Variants in SIPA1L3 observed in about 807,000 individuals in gnomAD.
SIPA1L3 encodes the protein signal induced proliferation associated 1 like 3, also known as signal-induced proliferation-associated 1-like protein 3.
A neutral mutation model predicts 150.1 loss-of-function variants in SIPA1L3; 59 were observed. That is an observed-to-expected ratio of 0.39 (90% CI 0.32 to 0.49). SIPA1L3 has a LOEUF of 0.49. Ranked by LOEUF, SIPA1L3 falls within the 20% of genes least tolerant of loss-of-function variation. SIPA1L3 has a pLI of 0.86. For missense variants in SIPA1L3, 2,211 were observed against 2,489.5 expected (o/e 0.89, Z 2.38); for synonymous variants, 1,070 against 1,077.6 (o/e 0.99, Z 0.14).
intron 6 of SIPA1L3, among the ~76,000 whole-genome samples, chr19:38,105,987 C>T (rs1420489546): frequency 2.0e-5 from 3 of 152,238 alleles, no homozygotes; most frequent in Non-Finnish European, 2.9e-5. Flanking sequence ...CCTAACCAGC[C>T]ACCTCAAGGG....
intron 2 of SIPA1L3, among the ~76,000 whole-genome samples, chr19:38,057,171 T>C (rs995429767): frequency 6.6e-6 from 1 of 151,968 alleles, no homozygotes; most frequent in Non-Finnish European, 1.5e-5. Context: ...CTCAGGAGGC[T>C]GAGGCAAGAG....
chr19:38,027,829 A>C (rs1421675), intron 1 of SIPA1L3, among the ~76,000 whole-genome samples: 19,812 of 151,996 alleles, frequency 0.13, 1,314 homozygotes, highest in South Asian at 0.21. Flanking sequence ...TGCCTAGCTT[A>C]GTATACTTTT....
chr19:38,167,168 G>A (rs1420268889), intron 15 of SIPA1L3, among the ~76,000 whole-genome samples: 1 of 147,746 alleles, frequency 6.8e-6, no homozygotes, highest in African/African-American at 2.5e-5. Flanking sequence ...GGGAGGCAGA[G>A]GTTGCAGTGA....
At chr19:38,034,061 C>G (rs1035393592) in intron 2 of SIPA1L3, among the ~76,000 whole-genome samples, 1 of 152,154 alleles carries the variant, frequency 6.6e-6, no homozygotes, top group Admixed American at 6.5e-5. Context: ...AGGGCAGAGC[C>G]GCTTTGATTC....
At chr19:38,195,791 C>CG (rs1972909630) in intron 18 of SIPA1L3, among the ~76,000 whole-genome samples, 3 of 114,262 alleles carry the variant, frequency 2.6e-5, no homozygotes, top group South Asian at 3.3e-4. Context: ...CCACAGGCCC[C>CG]GTCCCCCCCC....
intron 1 of SIPA1L3, among the ~76,000 whole-genome samples, chr19:37,924,539 A>G (rs1368676604): frequency 6.6e-6 from 1 of 151,636 alleles, no homozygotes; most frequent in Non-Finnish European, 1.5e-5. Context: ...TTAGCTGGGC[A>G]TAGTGGCAGG....
At chr19:38,063,207 C>T (rs1414132878) in intron 2 of SIPA1L3, among the ~76,000 whole-genome samples, 1 of 152,156 alleles carries the variant, frequency 6.6e-6, no homozygotes, top group East Asian at 1.9e-4. Flanking sequence ...CTCCACCCCC[C>T]TCCCCACTCC....
At chr19:38,156,105 G>A (rs932134178) in intron 13 of SIPA1L3, among the ~76,000 whole-genome samples, 1 of 152,016 alleles carries the variant, frequency 6.6e-6, no homozygotes, top group African/African-American at 2.4e-5. Context: ...ACCAGAGACA[G>A]TGGTTGGGCT....
At position 38,079,820 on chromosome 19, in the gene SIPA1L3, T is replaced by C. The variant is rs1488889385; in HGVS notation, c.-310-1436T>C. 2.6e-5 allele frequency among the ~76,000 whole-genome samples: 4 copies of C among 152,214 alleles called. No homozygotes were observed. The East Asian group carries it at 7.7e-4, about 29-fold the overall frequency. On this transcript the variant is annotated intron_variant, in intron 2 of 21. Coordinates refer to ENST00000222345, the MANE Select transcript of SIPA1L3 (RefSeq NM_015073.3). ...ATCCACCCGCCTTGGCCTCCCAAAGTGCTGGGACTGCAGGTGTGAGCCACC... is the reference window on the plus strand; with the variant it reads ...ATCCACCCGCCTTGGCCTCCCAAAGCGCTGGGACTGCAGGTGTGAGCCACC...
At chr19:38,098,043 G>A (rs548839355) in intron 4 of SIPA1L3, among the ~76,000 whole-genome samples, 86 of 152,300 alleles carry the variant, frequency 5.6e-4, no homozygotes, top group African/African-American at 2.0e-3. Context: ...CTGTAAATCA[G>A]AGATAAAACC....
intron 2 of SIPA1L3, among the ~76,000 whole-genome samples, chr19:38,078,290 C>T (rs962397323): frequency 6.6e-6 from 1 of 152,214 alleles, no homozygotes; most frequent in African/African-American, 2.4e-5. Flanking sequence ...TCCACCTGCC[C>T]TCTTCTGGTG....
chr19:38,111,194 A>T (rs1970731149), intron 8 of SIPA1L3, among the ~76,000 whole-genome samples: 1 of 151,092 alleles, frequency 6.6e-6, no homozygotes, highest in African/African-American at 2.4e-5. Flanking sequence ...CTGGCTAATT[A>T]AAAAAAAATT....
At chr19:38,020,485 G>A (rs984214490) in intron 1 of SIPA1L3, among the ~76,000 whole-genome samples, 20 of 152,298 alleles carry the variant, frequency 1.3e-4, no homozygotes, top group African/African-American at 3.6e-4. Context: ...TTTCATAGGC[G>A]TTCAGGAAGG....
chr19:38,085,550 T>C (rs1970109208), intron 3 of SIPA1L3, among the ~76,000 whole-genome samples: 1 of 151,516 alleles, frequency 6.6e-6, no homozygotes, highest in South Asian at 2.1e-4. Context: ...GCAATGTCAG[T>C]ATCACATGAA....
At chr19:38,089,018 C>T (rs566840872) in intron 4 of SIPA1L3, among the ~76,000 whole-genome samples, 167 bp downstream of exon 4, 1 of 152,044 alleles carries the variant, frequency 6.6e-6, no homozygotes, top group Non-Finnish European at 1.5e-5. Flanking sequence ...GAAACTAAGA[C>T]GCAGAATTTA....
At chr19:37,994,360 G>GC (rs1382676622) in intron 1 of SIPA1L3, among the ~76,000 whole-genome samples, 1 of 152,180 alleles carries the variant, frequency 6.6e-6, no homozygotes, top group Non-Finnish European at 1.5e-5. Context: ...TACAAGTGGC[G>GC]CCAGTGTGTG....
chr19:38,110,479 CG>C, intron 8 of SIPA1L3, 95 bp downstream of exon 8: 2 of 1,013,162 alleles, frequency 2.0e-6, no homozygotes, highest in Non-Finnish European at 2.9e-6. Flanking sequence ...CCACACCTCA[CG>C]TTGTGCTTCA....
chr19:38,032,852 C>CA (rs34941718), intron 2 of SIPA1L3, among the ~76,000 whole-genome samples: 117,356 of 145,900 alleles, frequency 0.8, 46,881 homozygotes, highest in Admixed American at 0.86. Flanking sequence ...GACTCGGTCT[C>CA]AAAAAAAAAA....
intron 13 of SIPA1L3, among the ~76,000 whole-genome samples, chr19:38,154,762 C>CT (rs1971906466): frequency 2.3e-4 from 27 of 118,914 alleles, no homozygotes; most frequent in Admixed American, 1.4e-3. Flanking sequence ...TTTTATTATT[C>CT]ATTTTTTTTT....
Sources: allele counts gnomAD v4.1 joint callset (sites outside exome capture counted in the v4.1 genomes callset), GRCh38; gene constraint gnomAD v4.1.1; transcripts MANE v1.5; gene names NCBI Gene and HGNC (gene_info 2026-07-23, HGNC 2026-07-21).